MOB1B: variants seen among roughly 807,000 people sequenced by gnomAD.
MOB1B encodes MOB kinase activator 1B.
Under a neutral mutation model 24.4 loss-of-function variants are expected in MOB1B, and 19 were observed. That is an observed-to-expected ratio of 0.78 (90% CI 0.54 to 1.14). The LOEUF (loss-of-function observed/expected upper bound fraction) is 1.14, where lower values mean the gene tolerates loss of function less well. MOB1B is among the 50% of genes most tolerant of loss of function. The pLI is 0.00. For synonymous variants in MOB1B, 76 were observed against 82.1 expected (o/e 0.93, Z 0.40); for missense variants, 243 against 259.6 (o/e 0.94, Z 0.44).
rs1736820989 is a variant in MOB1B at position 70,929,934 on chromosome 4, T to C, written c.14+27384T>C. On this transcript the variant is annotated intron_variant, in intron 1 of 5. Coordinates refer to ENST00000309395, the MANE Select transcript of MOB1B (RefSeq NM_173468.4). ...GCCCAGCCTTAATTTTTAAAATTTTTTGTAGAGACAGCGTCTCCCTATGTT... is the reference window on the plus strand; with the variant it reads ...GCCCAGCCTTAATTTTTAAAATTTTCTGTAGAGACAGCGTCTCCCTATGTT... Among the ~76,000 whole-genome samples the C allele has an allele frequency of 2.6e-5, 4 of 152,220 alleles. 1 individual carries two copies. The highest frequency in any genetic ancestry group is 9.6e-5 in the African/African-American group (4 of 41,534).
intron 1 of MOB1B, among the ~76,000 whole-genome samples, chr4:70,920,308 C>G (rs1405007322): frequency 2.0e-5 from 3 of 152,160 alleles, no homozygotes; most frequent in African/African-American, 7.2e-5. Context: ...CTCACTGCAC[C>G]TCTGCCTCCT....
At chr4:70,962,182 G>C (rs948457339) in intron 2 of MOB1B, among the ~76,000 whole-genome samples, 1 of 152,118 alleles carries the variant, frequency 6.6e-6, no homozygotes, top group Admixed American at 6.5e-5. Flanking sequence ...AGCATAGGGA[G>C]ACCTCTTCTC....
intron 1 of MOB1B, among the ~76,000 whole-genome samples, chr4:70,929,793 C>T (rs1172979532): frequency 7.2e-5 from 11 of 152,110 alleles, no homozygotes; most frequent in Admixed American, 7.2e-4. Context: ...CTACAGGCAC[C>T]CGCCACTGCG....
chr4:70,947,205 C>T (rs1274126673), intron 1 of MOB1B, among the ~76,000 whole-genome samples: 1 of 152,186 alleles, frequency 6.6e-6, no homozygotes, highest in Non-Finnish European at 1.5e-5. Context: ...TTGCAGGAGT[C>T]CCTGACAAGT....
intron 1 of MOB1B, among the ~76,000 whole-genome samples, chr4:70,936,804 A>T (rs1487261514): frequency 1.3e-5 from 2 of 152,232 alleles, no homozygotes; most frequent in Non-Finnish European, 2.9e-5. Flanking sequence ...GATTGGCATT[A>T]TGTCAGAGGA....
intron 2 of MOB1B, among the ~76,000 whole-genome samples, chr4:70,967,740 G>A (rs1479020843): frequency 6.6e-6 from 1 of 152,006 alleles, no homozygotes; most frequent in African/African-American, 2.4e-5. Flanking sequence ...AAAAATATTA[G>A]CATCAAAAAT....
intron 1 of MOB1B, among the ~76,000 whole-genome samples, chr4:70,947,190 C>T (rs1326851835): frequency 6.6e-6 from 1 of 152,130 alleles, no homozygotes; most frequent in Non-Finnish European, 1.5e-5. Flanking sequence ...ATGATATCAC[C>T]AGTTTTGCAG....
chr4:70,937,658 C>T (rs151024686), intron 1 of MOB1B, among the ~76,000 whole-genome samples: 86 of 151,954 alleles, frequency 5.7e-4, no homozygotes, highest in African/African-American at 2.0e-3. Flanking sequence ...ACTACAGGCA[C>T]GAGCCACCAC....
At chr4:70,952,322 T>C (rs1448529934) in intron 1 of MOB1B, among the ~76,000 whole-genome samples, 1 of 151,986 alleles carries the variant, frequency 6.6e-6, no homozygotes, top group Non-Finnish European at 1.5e-5. Flanking sequence ...TGAAAAACAT[T>C]ATTAAGTACA....
At chr4:70,949,736 A>G (rs1356149110) in intron 1 of MOB1B, among the ~76,000 whole-genome samples, 8 of 152,052 alleles carry the variant, frequency 5.3e-5, no homozygotes, top group Admixed American at 4.6e-4. Context: ...AAAAAATACA[A>G]CAACAAAATA....
intron 1 of MOB1B, among the ~76,000 whole-genome samples, chr4:70,911,898 T>C (rs1321587071): frequency 1.5e-5 from 2 of 136,766 alleles, no homozygotes; most frequent in East Asian, 2.0e-4. Context: ...TAAGGCCATC[T>C]TTTTTTTTTT....
chr4:70,973,068 C>T (rs533155288), intron 3 of MOB1B, among the ~76,000 whole-genome samples: 56 of 152,194 alleles, frequency 3.7e-4, no homozygotes, highest in Admixed American at 9.2e-4. Context: ...CCACCACGCC[C>T]GGCCTAATTA....
At chr4:70,955,602 C>G (rs892837364) in intron 1 of MOB1B, among the ~76,000 whole-genome samples, 1 of 151,034 alleles carries the variant, frequency 6.6e-6, no homozygotes, top group Non-Finnish European at 1.5e-5. Flanking sequence ...TCCAGAGTAG[C>G]TGGGATTATA....
chr4:70,935,504 C>G (rs1339330745), intron 1 of MOB1B, among the ~76,000 whole-genome samples: 46 of 152,188 alleles, frequency 3.0e-4, no homozygotes, highest in Admixed American at 3.0e-3. Flanking sequence ...CACACATTGC[C>G]TGGAACTCAT....
chr4:70,935,966 C>T (rs1237399063), intron 1 of MOB1B, among the ~76,000 whole-genome samples: 3 of 151,546 alleles, frequency 2.0e-5, no homozygotes, highest in African/African-American at 7.3e-5. Context: ...ATTCTCCTGC[C>T]TCAGCCTCCC....
intron 5 of MOB1B, among the ~76,000 whole-genome samples, chr4:70,980,562 G>A (rs1029173975): frequency 6.6e-6 from 1 of 152,092 alleles, no homozygotes; most frequent in African/African-American, 2.4e-5. Context: ...TTAAGTAAGG[G>A]GGGCACCTGC....
chr4:70,933,718 A>G (rs1736974607), intron 1 of MOB1B, among the ~76,000 whole-genome samples: 1 of 151,728 alleles, frequency 6.6e-6, no homozygotes, highest in African/African-American at 2.4e-5. Flanking sequence ...CGCCTGGCTA[A>G]TTTTTGTATT....
intron 1 of MOB1B, among the ~76,000 whole-genome samples, chr4:70,946,857 G>T (rs1028052246): frequency 2.6e-5 from 4 of 152,174 alleles, no homozygotes; most frequent in Non-Finnish European, 4.4e-5. Context: ...AGTGAGGCAA[G>T]TGGTTACATT....
intron 1 of MOB1B, among the ~76,000 whole-genome samples, chr4:70,955,384 A>T (rs1440526560): frequency 6.6e-6 from 1 of 151,868 alleles, no homozygotes; most frequent in Non-Finnish European, 1.5e-5. Flanking sequence ...CATTAGTTAT[A>T]GGAGACCTCT....
Sources: allele counts gnomAD v4.1 joint callset (sites outside exome capture counted in the v4.1 genomes callset), GRCh38; gene constraint gnomAD v4.1.1; transcripts MANE v1.5; gene names NCBI Gene and HGNC (gene_info 2026-07-23, HGNC 2026-07-21).